Variants in ZNF407 observed in about 807,000 individuals in gnomAD.
The protein encoded by ZNF407 is zinc finger protein 407.
A neutral mutation model predicts 131.2 loss-of-function variants in ZNF407; 17 were observed. The observed-to-expected ratio is 0.13, with a 90% CI of 0.09 to 0.19. ZNF407 has a LOEUF of 0.19. Ranked by LOEUF, ZNF407 falls within the 10% of genes least tolerant of loss-of-function variation. The pLI, the probability that ZNF407 is intolerant of heterozygous loss-of-function variation, is 1.00. For synonymous variants in ZNF407, 1,156 were observed against 1,062.0 expected, an observed-to-expected ratio of 1.09 and a Z score of -1.72; for missense variants, 2,681 against 2,830.6, an observed-to-expected ratio of 0.95 and a Z score of 1.20.
Position 74,845,555 on chromosome 18 carries a change from A to T in ZNF407, c.4878-31642A>T, listed in dbSNP as rs1159149696. 3.3e-5 allele frequency among the ~76,000 whole-genome samples: 5 copies of T among 152,218 alleles called. No homozygotes were observed. The East Asian group carries it at 9.6e-4, about 29-fold the overall frequency. On this transcript the variant is annotated intron_variant, in intron 4 of 8. Coordinates refer to ENST00000299687, the MANE Select transcript of ZNF407 (RefSeq NM_017757.3). ...TGTTTATTTTGTTGGCATTCAAAAA[A>T]TGAGAAAATTCTACAAAGTTCATAA...
At chr18:74,754,487 G>T (rs2144953490) in intron 3 of ZNF407, among the ~76,000 whole-genome samples, 1 of 152,264 alleles carries the variant, frequency 6.6e-6, no homozygotes, top group Admixed American at 6.5e-5. Flanking sequence ...TGGGCATTTA[G>T]TGCTATAAAT....
At chr18:74,976,456 C>A (rs1203473265) in intron 8 of ZNF407, among the ~76,000 whole-genome samples, 1 of 152,128 alleles carries the variant, frequency 6.6e-6, no homozygotes, top group Non-Finnish European at 1.5e-5. Context: ...AGACCTGCGA[C>A]CTGTAATTCA....
chr18:74,792,262 TCA>T (rs1458354124), intron 4 of ZNF407, among the ~76,000 whole-genome samples: 2 of 152,024 alleles, frequency 1.3e-5, no homozygotes, highest in Admixed American at 1.3e-4. Context: ...TTCATGCTAA[TCA>T]CACAGAGCAA....
At chr18:74,831,576 T>C (rs949930290) in intron 4 of ZNF407, among the ~76,000 whole-genome samples, 2 of 152,216 alleles carry the variant, frequency 1.3e-5, no homozygotes, top group Non-Finnish European at 2.9e-5. Flanking sequence ...TAAGCTTTGT[T>C]GTAGAGAGTG....
rs1234155511 is a variant in ZNF407, at chr18:74,635,173, G to A, written c.4154G>A (p.Arg1385Lys). 1.2e-6 allele frequency: 2 copies of A among 1,614,048 alleles called. No individual in the cohort carries two copies. The highest frequency in any genetic ancestry group is 2.7e-5 in the African/African-American group (2 of 75,052). The change falls in exon 2 of 9, where the codon AGA becomes AAA. Residue 1385 changes from arginine to lysine, a missense_variant. Around this residue, in one of 6 missense-constraint regions of ZNF407, gnomAD observed 1,789 missense variants for 1,748.7 expected, o/e 1.02. Coordinates refer to ENST00000299687, the MANE Select transcript of ZNF407 (RefSeq NM_017757.3). The surrounding 1 kb of genome is among the most constrained non-coding windows in gnomAD (Gnocchi z 4.7). ...SEEGLIATGV[R>K]ISELPLKDCA... is the part of the protein sequence containing the mutation. Reference sequence around the variant, plus strand: ...GAGGGCTTGATAGCAACGGGAGTGAGAATTAGTGAGCTGCCCTTGAAAGAC... The same window carrying A: ...GAGGGCTTGATAGCAACGGGAGTGAAAATTAGTGAGCTGCCCTTGAAAGAC...
chr18:74,843,784 A>G lies in ZNF407; in HGVS notation c.4878-33413A>G, dbSNP rs1248131693. ...GAGTACACAGATCTTACCTTACAGC[A>G]TAACAGCAGCCCCTTGAAGGGATAA... is the stretch of plus-strand genomic sequence containing the variant. On this transcript the variant is annotated intron_variant, in intron 4 of 8. Coordinates refer to ENST00000299687, the MANE Select transcript of ZNF407 (RefSeq NM_017757.3). 2.0e-5 allele frequency among the ~76,000 whole-genome samples: 3 copies of G among 152,192 alleles called. No homozygotes were observed. In the East Asian group the frequency reaches 5.8e-4, roughly 29 times the overall value.
intron 4 of ZNF407, among the ~76,000 whole-genome samples, chr18:74,875,622 G>A (rs563367780): frequency 1.2e-3 from 179 of 152,244 alleles, no homozygotes; most frequent in African/African-American, 4.1e-3. Context: ...AATGTTAAAT[G>A]CATGAAGACC....
intron 4 of ZNF407, among the ~76,000 whole-genome samples, chr18:74,792,719 A>G (rs568839229): frequency 3.9e-5 from 6 of 152,134 alleles, no homozygotes; most frequent in Non-Finnish European, 7.4e-5. Flanking sequence ...TTATTTTCAA[A>G]CTAATTTCTT....
rs1350996802 is a variant in ZNF407, at chr18:74,789,853, TG to T, written c.4877+8353del. 1.0e-3 allele frequency among the ~76,000 whole-genome samples: 79 copies of T among 77,878 alleles called. 1 individual carries two copies. The highest frequency in any genetic ancestry group is 2.7e-3 in the South Asian group (5 of 1,870). The allele number at this position is 77,878 out of a possible 152,430, so 51.1% of individuals were successfully genotyped here. ...AAAATCTTTCCCTTATCTTTGTATCTGGTTTTTTTTTTTTTTTCCTCTGTAC... is the reference window on the plus strand; with the variant it reads ...AAAATCTTTCCCTTATCTTTGTATCTGTTTTTTTTTTTTTTTCCTCTGTAC... On this transcript the variant is annotated intron_variant, in intron 4 of 8. Coordinates refer to ENST00000299687, the MANE Select transcript of ZNF407 (RefSeq NM_017757.3).
At chr18:74,849,397 C>T (rs1288749785) in intron 4 of ZNF407, among the ~76,000 whole-genome samples, 1 of 152,142 alleles carries the variant, frequency 6.6e-6, no homozygotes, top group Non-Finnish European at 1.5e-5. Context: ...CTTTTCTAAG[C>T]ACAGCTTTTT....
Position 74,739,357 on chromosome 18 carries a change from T to A in ZNF407, c.4803-42071T>A, listed in dbSNP as rs181377930. Among the ~76,000 whole-genome samples the A allele has an allele frequency of 1.6e-4, 25 of 152,162 alleles. No homozygotes were observed. The Middle Eastern group carries it at 0.01, about 63-fold the overall frequency. On this transcript the variant is annotated intron_variant, in intron 3 of 8. Coordinates refer to ENST00000299687, the MANE Select transcript of ZNF407 (RefSeq NM_017757.3). ...GGAAAAGGGACACCTGGCTTTTCTCTGCTCCAGTTACTGCAGGATCCAGAG... is the reference window on the plus strand; with the variant it reads ...GGAAAAGGGACACCTGGCTTTTCTCAGCTCCAGTTACTGCAGGATCCAGAG...
intron 4 of ZNF407, among the ~76,000 whole-genome samples, chr18:74,836,730 G>C (rs1970564863): frequency 6.6e-6 from 1 of 152,154 alleles, no homozygotes; most frequent in Non-Finnish European, 1.5e-5. Context: ...TTCATCAGAG[G>C]CTTTGTGGAA....
At chr18:74,652,983 G>C (rs768692835) in intron 3 of ZNF407, among the ~76,000 whole-genome samples, 2 of 151,896 alleles carry the variant, frequency 1.3e-5, no homozygotes, top group Non-Finnish European at 2.9e-5. Flanking sequence ...GATGTGGATT[G>C]GTTGAAAAAC....
At chr18:74,932,468 G>A (rs1322557644) in intron 8 of ZNF407, among the ~76,000 whole-genome samples, 2 of 152,140 alleles carry the variant, frequency 1.3e-5, no homozygotes, top group East Asian at 1.9e-4. Flanking sequence ...CCTCAGCTTC[G>A]TGTGTCCATC....
intron 8 of ZNF407, among the ~76,000 whole-genome samples, chr18:74,996,981 A>T (rs1479428472): frequency 6.6e-6 from 1 of 152,252 alleles, no homozygotes; most frequent in African/African-American, 2.4e-5. Context: ...TTAGCAAGGC[A>T]AAGTAATCCA....
chr18:74,962,486 G>A (rs1015677749), intron 8 of ZNF407, among the ~76,000 whole-genome samples: 6 of 152,198 alleles, frequency 3.9e-5, no homozygotes, highest in African/African-American at 1.4e-4. Context: ...CATTTCCTAG[G>A]TGTCTCTGTG....
At chr18:74,805,676 G>A (rs141912647) in intron 4 of ZNF407, among the ~76,000 whole-genome samples, 95 of 152,324 alleles carry the variant, frequency 6.2e-4, no homozygotes, top group African/African-American at 2.2e-3. Context: ...TCCTGTTGCT[G>A]TTTGATCATT....
chr18:74,937,076 TAAAG>T (rs1280697800), intron 8 of ZNF407, among the ~76,000 whole-genome samples: 1 of 152,158 alleles, frequency 6.6e-6, no homozygotes, highest in Non-Finnish European at 1.5e-5. Context: ...ATAAGGTTGA[TAAAG>T]AAAAGTGAAA....
At chr18:74,999,348 TAAAA>T (rs71170334) in intron 8 of ZNF407, among the ~76,000 whole-genome samples, 744 of 60,478 alleles carry the variant, frequency 0.012, 3 homozygotes, top group African/African-American at 0.032. Flanking sequence ...TAGAGTATAA[TAAAA>T]AAAAAAAAAA....
Sources: gnomAD v4.1 joint callset for allele counts (sites outside exome capture counted in the v4.1 genomes callset) on GRCh38, gnomAD v4.1.1 for gene constraint, gnomAD v4.1.1 regional missense constraint, Gnocchi (gnomAD v3.1) non-coding constraint, MANE v1.5 for transcripts, NCBI Gene and HGNC (gene_info 2026-07-23, HGNC 2026-07-21) for gene names.